RGPD2: variants seen among roughly 807,000 people sequenced by gnomAD.
The protein encoded by RGPD2 is RANBP2-like and GRIP domain-containing protein 2.
Under a neutral mutation model 36.0 loss-of-function variants are expected in RGPD2, and 2 were observed. The ratio of observed to expected loss-of-function variants is 0.06; its 90% CI spans 0.02 to 0.17. The LOEUF is 0.17. RGPD2 is among the 10% of genes least tolerant of loss of function. The pLI, the probability that RGPD2 is intolerant of heterozygous loss-of-function variation, is 1.00. For missense variants in RGPD2, 40 were observed against 464.3 expected (o/e 0.09, Z 8.40); for synonymous variants, 19 against 163.8 (o/e 0.12, Z 6.75).
the RGPD2 span, among the ~76,000 whole-genome samples, chr2:87,882,962 T>C: frequency 1.3e-3 from 195 of 151,912 alleles, 1 homozygote; most frequent in Admixed American, 0.013. Flanking sequence ...AACTTTTAAA[T>C]ATGTTGTAAC....
At chr2:87,921,114 ATTAGC>A in the RGPD2 span, among the ~76,000 whole-genome samples, 2 of 150,348 alleles carry the variant, frequency 1.3e-5, no homozygotes, top group African/African-American at 4.9e-5. Context: ...AGAGATGCTA[ATTAGC>A]TGTCAACTGA....
chr2:87,931,002 A>AT, the RGPD2 span, among the ~76,000 whole-genome samples: 28 of 56,024 alleles, frequency 5.0e-4, no homozygotes, highest in East Asian at 1.9e-3. Context: ...TATTTCATTA[A>AT]TTTTTTTTTT....
chr2:87,958,646 A>C, the RGPD2 span, among the ~76,000 whole-genome samples: 3 of 152,278 alleles, frequency 2.0e-5, no homozygotes, highest in African/African-American at 7.2e-5. Context: ...AATTTAAATT[A>C]ATTTTTTGGT....
chr2:87,962,253 T>C, the RGPD2 span, among the ~76,000 whole-genome samples: 5 of 152,100 alleles, frequency 3.3e-5, no homozygotes, highest in Admixed American at 2.0e-4. Context: ...CCTTTTAGAT[T>C]TTAAAAGCTC....
chr2:87,929,274 C>T, the RGPD2 span, among the ~76,000 whole-genome samples: 1 of 150,072 alleles, frequency 6.7e-6, no homozygotes, highest in Admixed American at 6.6e-5. Context: ...TGCATACACA[C>T]AATCCTTTCC....
the RGPD2 span, among the ~76,000 whole-genome samples, chr2:87,903,060 CTTATA>C: frequency 8.2e-5 from 11 of 133,840 alleles, no homozygotes; most frequent in African/African-American, 2.9e-4. Flanking sequence ...AACTTCAAAT[CTTATA>C]TTAATTAATT....
rs1460369587 is a variant in RGPD2, at chr2:87,807,449, C to T, written c.780-558G>A. Among the ~76,000 whole-genome samples, 4 of 144,070 alleles carry T rather than the reference C, an allele frequency of 2.8e-5. No homozygotes were observed. In the South Asian group the frequency reaches 6.6e-4, roughly 24 times the overall value. The allele number at this position is 144,070 out of a possible 152,430, so 94.5% of individuals were successfully genotyped here. A position where few individuals can be genotyped will look rare whatever the true frequency, so the allele number is the denominator to read the frequency against. On this transcript the variant is annotated intron_variant, in intron 6 of 22. Coordinates refer to ENST00000398146, the MANE Select transcript of RGPD2 (RefSeq NM_001078170.3). ...TCGCCTGGGCTGGAGTGTAATGGCACGATCTAAGCTCACTGCAACCTCCAC... is the reference window on the plus strand; with the variant it reads ...TCGCCTGGGCTGGAGTGTAATGGCATGATCTAAGCTCACTGCAACCTCCAC...
chr2:87,825,578 A>G lies in RGPD2; in HGVS notation c.72+80T>C, dbSNP rs1408585589. 5.8e-4 allele frequency: 617 copies of G among 1,062,540 alleles called. 8 individuals carry two copies. Among genetic ancestry groups the G allele is most frequent in the Admixed American group, 2.8e-3 (50 of 17,776 alleles). 65.8% of individuals were successfully genotyped at this position (1,062,540 alleles called of 1,614,324 possible). A position where few individuals can be genotyped will look rare whatever the true frequency, so the allele number is the denominator to read the frequency against. The stretch of plus-strand genomic sequence containing the variant: ...GCCAGGTCGAGGCCGCCGCCCGGCC[A>G]GGTCGAGGCCGCCGCCCGGCCAGGT... On this transcript the variant is annotated intron_variant, in intron 1 of 22. Coordinates refer to ENST00000398146, the MANE Select transcript of RGPD2 (RefSeq NM_001078170.3).
At chr2:87,840,243 G>C in the RGPD2 span, among the ~76,000 whole-genome samples, 17 of 130,622 alleles carry the variant, frequency 1.3e-4, no homozygotes, top group Non-Finnish European at 2.1e-4. Flanking sequence ...CAGAGGCTGA[G>C]ATTAGATTTA....
At chr2:87,855,373 C>G in the RGPD2 span, among the ~76,000 whole-genome samples, 2 of 149,718 alleles carry the variant, frequency 1.3e-5, no homozygotes, top group South Asian at 2.2e-4. Flanking sequence ...TCCTGTTGCT[C>G]TAAATCCTTG....
At chr2:87,962,201 C>T in the RGPD2 span, among the ~76,000 whole-genome samples, 1 of 150,542 alleles carries the variant, frequency 6.6e-6, no homozygotes, top group Non-Finnish European at 1.5e-5. Context: ...TAAAATCTTA[C>T]TTTTAAAACA....
chr2:87,951,417 C>T, the RGPD2 span, among the ~76,000 whole-genome samples: 4 of 151,876 alleles, frequency 2.6e-5, no homozygotes, highest in African/African-American at 9.7e-5. Flanking sequence ...CAGAGAGAAC[C>T]CCTGAGAGAG....
chr2:87,857,557 T>C, the RGPD2 span, among the ~76,000 whole-genome samples: 3 of 151,126 alleles, frequency 2.0e-5, no homozygotes, highest in South Asian at 2.1e-4. Context: ...TTAGCCAGGA[T>C]GGTCTCGATC....
chr2:87,840,360 C>T, the RGPD2 span, among the ~76,000 whole-genome samples: 1 of 134,430 alleles, frequency 7.4e-6, no homozygotes, highest in Non-Finnish European at 1.6e-5. Context: ...ATGGACTTGC[C>T]ATACTCATTG....
At chr2:87,813,767 T>C in intron 4 of RGPD2, among the ~76,000 whole-genome samples, 1 of 124,706 alleles carries the variant, frequency 8.0e-6, no homozygotes, top group Non-Finnish European at 1.7e-5. Flanking sequence ...TTCTCAACAG[T>C]AATACTCTCA....
chr2:87,897,884 G>T, the RGPD2 span, among the ~76,000 whole-genome samples: 1 of 152,038 alleles, frequency 6.6e-6, no homozygotes, highest in Non-Finnish European at 1.5e-5. Context: ...TTGCAGGAAA[G>T]TTTCAACTTT....
At chr2:87,839,338 C>G in the RGPD2 span, among the ~76,000 whole-genome samples, 4 of 152,080 alleles carry the variant, frequency 2.6e-5, no homozygotes, top group Admixed American at 6.6e-5. Flanking sequence ...CATCTAATAA[C>G]AGTCAGAATG....
At chr2:87,985,593 T>C in the RGPD2 span, 2 of 840,416 alleles carry the variant, frequency 2.4e-6, no homozygotes, top group Non-Finnish European at 1.9e-6. Flanking sequence ...AACATATAGA[T>C]ACAATAAACC....
the RGPD2 span, among the ~76,000 whole-genome samples, chr2:87,857,802 C>CATGTTTT: frequency 7.2e-6 from 1 of 138,372 alleles, no homozygotes; most frequent in Non-Finnish European, 1.5e-5. Flanking sequence ...AAAAAATTAG[C>CATGTTTT]ATGTTTTATG....
Sources: allele counts gnomAD v4.1 joint callset (sites outside exome capture counted in the v4.1 genomes callset), GRCh38; gene constraint gnomAD v4.1.1; transcripts MANE v1.5; gene names NCBI Gene and HGNC (gene_info 2026-07-23, HGNC 2026-07-21).